The following ABCC6 variants were observed in gnomAD, a reference collection of about 807,000 sequenced individuals.
ABCC6 encodes ATP binding cassette subfamily C member 6.
ABCC6 carries 126 observed loss-of-function variants against 169.5 expected under a neutral mutation model. The ratio of observed to expected loss-of-function variants is 0.74; its 90% confidence interval spans 0.64 to 0.86. The LOEUF (loss-of-function observed/expected upper bound fraction) is 0.86, where lower values mean the gene tolerates loss of function less well. ABCC6 is among the 40% of genes least tolerant of loss of function. The probability of loss-of-function intolerance (pLI) is 0.00; values close to 1 mark genes in which losing one functional copy is unlikely to be tolerated. For synonymous variants in ABCC6, 752 were observed against 814.7 expected, an observed-to-expected ratio of 0.92 and a Z score of 1.31; for missense variants, 1,733 against 1,927.2, an observed-to-expected ratio of 0.90 and a Z score of 1.89.
intron 26 of ABCC6, among the ~76,000 whole-genome samples, chr16:16,158,223 G>T (rs768294559): frequency 2.0e-5 from 3 of 152,124 alleles, no homozygotes; most frequent in Non-Finnish European, 2.9e-5. Context: ...AAGAGCAGCA[G>T]ACATGTATTG....
chr16:16,164,812 T>G (rs1447190018), intron 23 of ABCC6, among the ~76,000 whole-genome samples: 2 of 152,138 alleles, frequency 1.3e-5, no homozygotes, highest in African/African-American at 2.4e-5. Flanking sequence ...TGCTAACTAG[T>G]CCCCAGGTGA....
chr16:16,162,971 T>G, intron 24 of ABCC6, 22 bp downstream of exon 24: 1 of 1,613,972 alleles, frequency 6.2e-7, no homozygotes, highest in Non-Finnish European at 8.5e-7. Context: ...TGCAAGGTCT[T>G]CTCTGCCCTG....
intron 17 of ABCC6, among the ~76,000 whole-genome samples, chr16:16,179,174 C>G (rs1037840717): frequency 6.6e-6 from 1 of 152,174 alleles, no homozygotes; most frequent in African/African-American, 2.4e-5. Flanking sequence ...CTCCACTTCC[C>G]AAGCACGCTT....
intron 8 of ABCC6, 34 bp from the exon 9 acceptor site, chr16:16,202,212 TGA>T (rs766541965): frequency 6.3e-7 from 1 of 1,582,898 alleles, no homozygotes; most frequent in African/African-American, 1.4e-5. Flanking sequence ...GTACAGCTGG[TGA>T]GAGGAGGTGC....
Position 16,204,702 on chromosome 16 carries a change from C to T in ABCC6, c.795-1089G>A, listed in dbSNP as rs373163837. Among the ~76,000 whole-genome samples, 36 of 152,260 alleles carry T rather than the reference C, an allele frequency of 2.4e-4. 1 individual carries two copies. The highest frequency in any genetic ancestry group is 4.8e-4 in the African/African-American group (20 of 41,570). On this transcript the variant is annotated intron_variant, in intron 7 of 30. Coordinates refer to ENST00000205557, the MANE Select transcript of ABCC6 (RefSeq NM_001171.6). ...TGGGGCGATGCAGCTGCTGACAGTC[C>T]GGTTGCTGTGTGGTCCTGGGCGGGG... is the stretch of plus-strand genomic sequence containing the variant.
chr16:16,195,303 ATTTTTT>A (rs61393724), intron 10 of ABCC6, among the ~76,000 whole-genome samples: 15,346 of 96,412 alleles, frequency 0.16, 1,962 homozygotes, highest in East Asian at 0.53. Flanking sequence ...GTCTCATCTA[ATTTTTT>A]TTTTTTTTTT....
intron 10 of ABCC6, among the ~76,000 whole-genome samples, chr16:16,197,231 TGGGTAC>T (rs1366377282): frequency 2.0e-5 from 3 of 152,090 alleles, no homozygotes; most frequent in Non-Finnish European, 4.4e-5. Flanking sequence ...ACTTGCCTAC[TGGGTAC>T]CCTAATAGCA....
intron 14 of ABCC6, among the ~76,000 whole-genome samples, chr16:16,185,617 C>T (rs2047631552): frequency 6.6e-6 from 1 of 152,040 alleles, no homozygotes; most frequent in Non-Finnish European, 1.5e-5. Flanking sequence ...AACCCTGCCT[C>T]TACCAAAAAA....
chr16:16,190,394 G>A, intron 11 of ABCC6, 27 bp from the exon 12 acceptor site: 20 of 1,612,724 alleles, frequency 1.2e-5, no homozygotes, highest in Non-Finnish European at 1.6e-5. Flanking sequence ...AAAGAGAGAT[G>A]AAGACAGGGA....
intron 22 of ABCC6, among the ~76,000 whole-genome samples, chr16:16,166,449 G>C (rs1005609367): frequency 1.3e-5 from 2 of 152,054 alleles, no homozygotes; most frequent in African/African-American, 4.8e-5. Flanking sequence ...GAATACTAGA[G>C]GATACTCAGA....
intron 5 of ABCC6, among the ~76,000 whole-genome samples, chr16:16,212,776 A>C (rs2048684047): frequency 1.3e-5 from 2 of 152,114 alleles, no homozygotes; most frequent in Non-Finnish European, 2.9e-5. Context: ...CAGAAGAACA[A>C]CTATGATTAT....
chr16:16,198,920 G>T (rs535199617), intron 9 of ABCC6, among the ~76,000 whole-genome samples: 1 of 152,088 alleles, frequency 6.6e-6, no homozygotes, highest in South Asian at 2.1e-4. Flanking sequence ...CTTAAACCCA[G>T]GAGGCAGAGG....
At chr16:16,212,535 C>T (rs2048670423) in intron 5 of ABCC6, among the ~76,000 whole-genome samples, 1 of 151,000 alleles carries the variant, frequency 6.6e-6, no homozygotes, top group African/African-American at 2.5e-5. Flanking sequence ...GTCTCAAACT[C>T]CTAACCTCAA....
intron 10 of ABCC6, among the ~76,000 whole-genome samples, chr16:16,197,287 A>G (rs1179725634): frequency 6.6e-6 from 1 of 152,080 alleles, no homozygotes; most frequent in African/African-American, 2.4e-5. Flanking sequence ...ATCTTTCTAC[A>G]GAGGAAACTG....
chr16:16,198,526 G>A (rs1484960953), intron 9 of ABCC6, among the ~76,000 whole-genome samples: 1 of 152,048 alleles, frequency 6.6e-6, no homozygotes, highest in Non-Finnish European at 1.5e-5. Flanking sequence ...GCCATGAATG[G>A]TACCAAGCAG....
chr16:16,157,575 G>A, intron 27 of ABCC6, 88 bp downstream of exon 27: 1 of 1,552,250 alleles, frequency 6.4e-7, no homozygotes, highest in South Asian at 1.1e-5. Context: ...ACACTGTGGA[G>A]GTGGCTGGTG....
At chr16:16,187,490 T>TC (rs1420820085) in intron 13 of ABCC6, among the ~76,000 whole-genome samples, 2 of 152,222 alleles carry the variant, frequency 1.3e-5, no homozygotes, top group African/African-American at 4.8e-5. Flanking sequence ...TGGTGGCTTT[T>TC]CCAATAAGGT....
At chr16:16,166,281 T>C (rs2152229332) in intron 22 of ABCC6, among the ~76,000 whole-genome samples, 1 of 151,902 alleles carries the variant, frequency 6.6e-6, no homozygotes, top group East Asian at 2.0e-4. Flanking sequence ...ACTCCTGGGA[T>C]CAAGTGATCT....
chr16:16,201,658 T>C lies in ABCC6; in HGVS notation c.1176+343A>G, dbSNP rs184322011. Among the ~76,000 whole-genome samples, 85 of 152,198 alleles carry C rather than the reference T, an allele frequency of 5.6e-4. 1 individual carries two copies. The highest frequency in any genetic ancestry group is 5.2e-3 in the Admixed American group (80 of 15,276). ...GCCTGACCAACATGGCAAAACCTTG[T>C]CTCTACCAAAAATATAAAAATTAGC... On this transcript the variant is annotated intron_variant, in intron 9 of 30. Transcript: ENST00000205557.
Sources: gnomAD v4.1 joint callset for allele counts (sites outside exome capture counted in the v4.1 genomes callset) on GRCh38, gnomAD v4.1.1 for gene constraint, MANE v1.5 for transcripts, NCBI Gene and HGNC (gene_info 2026-07-23, HGNC 2026-07-21) for gene names.